Variants in RNGTT observed in about 807,000 individuals in gnomAD.
RNGTT encodes mRNA-capping enzyme.
RNGTT carries 33 observed loss-of-function variants against 79.3 expected under a neutral mutation model. The ratio of observed to expected loss-of-function variants is 0.42; its 90% CI spans 0.32 to 0.56. The LOEUF is 0.56. Ranked by LOEUF, RNGTT falls within the 20% of genes least tolerant of loss-of-function variation. The pLI is 0.17. For synonymous variants in RNGTT, 222 were observed against 235.9 expected (o/e 0.94, Z 0.54); for missense variants, 497 against 739.1 (o/e 0.67, Z 3.80).
chr6:88,818,370 G>A (rs1347951552), intron 11 of RNGTT, among the ~76,000 whole-genome samples: 1 of 151,968 alleles, frequency 6.6e-6, no homozygotes, highest in African/African-American at 2.4e-5. Flanking sequence ...ATCACCCGAG[G>A]TCAGGAGTTC....
At chr6:88,776,961 C>A (rs1250806884) in intron 12 of RNGTT, among the ~76,000 whole-genome samples, 2 of 152,132 alleles carry the variant, frequency 1.3e-5, no homozygotes, top group African/African-American at 4.8e-5. Context: ...ACTATGTTTT[C>A]TTCTAGGAGT....
At chr6:88,707,672 C>T (rs1016181933) in intron 13 of RNGTT, among the ~76,000 whole-genome samples, 6 of 149,960 alleles carry the variant, frequency 4.0e-5, no homozygotes, top group Admixed American at 3.3e-4. Flanking sequence ...ATAAAGTAGC[C>T]TTGAGTAGGT....
At chr6:88,856,511 G>A (rs1230002280) in intron 8 of RNGTT, among the ~76,000 whole-genome samples, 1 of 152,100 alleles carries the variant, frequency 6.6e-6, no homozygotes, top group Non-Finnish European at 1.5e-5. Context: ...ATGCACACAT[G>A]TGTATAAACA....
intron 8 of RNGTT, among the ~76,000 whole-genome samples, chr6:88,862,940 G>A (rs1206726442): frequency 2.6e-5 from 4 of 152,092 alleles, no homozygotes; most frequent in Non-Finnish European, 5.9e-5. Flanking sequence ...TATTGATTCT[G>A]TAAGTACAGC....
chr6:88,962,272 G>A (rs927046720), intron 1 of RNGTT, among the ~76,000 whole-genome samples: 4 of 152,030 alleles, frequency 2.6e-5, no homozygotes, highest in Admixed American at 1.3e-4. Context: ...CAAACTGTAC[G>A]CTTTAAAGCT....
intron 13 of RNGTT, among the ~76,000 whole-genome samples, chr6:88,708,796 G>A (rs1359857486): frequency 6.6e-6 from 1 of 151,956 alleles, no homozygotes; most frequent in African/African-American, 2.4e-5. Flanking sequence ...ACGTTTTCCA[G>A]TAAGAAAAGG....
intron 12 of RNGTT, among the ~76,000 whole-genome samples, chr6:88,775,138 CATT>C (rs976913589): frequency 2.0e-5 from 3 of 151,946 alleles, no homozygotes; most frequent in African/African-American, 7.3e-5. Context: ...AAGTATATAA[CATT>C]ATAACACAAT....
At chr6:88,891,698 T>C (rs954532120) in intron 7 of RNGTT, 108 bp downstream of exon 7, 4 of 603,786 alleles carry the variant, frequency 6.6e-6, no homozygotes, top group Admixed American at 3.7e-5. Context: ...TAAAGTATTC[T>C]ATTGCAAACA....
At chr6:88,927,218 G>T (rs1352105313) in intron 4 of RNGTT, among the ~76,000 whole-genome samples, 1 of 152,128 alleles carries the variant, frequency 6.6e-6, no homozygotes, top group African/African-American at 2.4e-5. Context: ...ACAAATGGTT[G>T]GTTATGTAGA....
At chr6:88,734,985 A>G (rs1208213472) in intron 13 of RNGTT, among the ~76,000 whole-genome samples, 1 of 152,164 alleles carries the variant, frequency 6.6e-6, no homozygotes, top group South Asian at 2.1e-4. Flanking sequence ...TCAACTTACA[A>G]TAAGTATATT....
At position 88,755,356 on chromosome 6, in the gene RNGTT, T is replaced by G. The variant is rs147569839; in HGVS notation, c.1439+14418A>C. Among the ~76,000 whole-genome samples, 16 of 152,172 alleles carry G rather than the reference T, an allele frequency of 1.1e-4. No individual in the cohort carries two copies. In the East Asian group the frequency reaches 1.2e-3, roughly 11 times the overall value. On this transcript the variant is annotated intron_variant, in intron 13 of 15. Transcript: ENST00000369485. ...AATTTAAATTGAACCCAATTTAAATTTAGATCCAAACAATTTAGATCCAAA... is the reference window on the plus strand; with the variant it reads ...AATTTAAATTGAACCCAATTTAAATGTAGATCCAAACAATTTAGATCCAAA...
At chr6:88,942,200 G>T (rs565564984) in intron 1 of RNGTT, among the ~76,000 whole-genome samples, 191 of 152,256 alleles carry the variant, frequency 1.3e-3, no homozygotes, top group Non-Finnish European at 2.2e-3. Flanking sequence ...GACCATGCTA[G>T]AATATGATAT....
chr6:88,646,084 G>T (rs955651694), intron 14 of RNGTT, among the ~76,000 whole-genome samples: 1 of 152,038 alleles, frequency 6.6e-6, no homozygotes, highest in Non-Finnish European at 1.5e-5. Context: ...GAAAATTTTT[G>T]CAATCTACTC....
At chr6:88,955,783 CTG>C (rs1785410354) in intron 1 of RNGTT, among the ~76,000 whole-genome samples, 2 of 152,018 alleles carry the variant, frequency 1.3e-5, no homozygotes, top group African/African-American at 4.8e-5. Context: ...TGGCTCACGT[CTG>C]TAATCCCAGC....
Position 88,669,181 on chromosome 6 carries a change from TC to T in RNGTT, c.1506+9171del, listed in dbSNP as rs1044940600. On this transcript the variant is annotated intron_variant, in intron 14 of 15. Transcript: ENST00000369485. The stretch of plus-strand genomic sequence containing the variant: ...AATCCAAGGGGAGATCCACAAGCGC[TC>T]CCCCAAACCAGTGTTCCAGACCTTT... Among the ~76,000 whole-genome samples the T allele has an allele frequency of 1.7e-3, 256 of 151,830 alleles. 1 individual carries two copies. Among genetic ancestry groups the T allele is most frequent in the African/African-American group, 5.8e-3 (241 of 41,410 alleles).
At chr6:88,920,594 T>C (rs1425666888) in intron 4 of RNGTT, among the ~76,000 whole-genome samples, 1 of 152,188 alleles carries the variant, frequency 6.6e-6, no homozygotes, top group Non-Finnish European at 1.5e-5. Flanking sequence ...CTGAGGCCTT[T>C]ATCTGAATAA....
chr6:88,624,032 A>G (rs1224123159), intron 14 of RNGTT, among the ~76,000 whole-genome samples: 1 of 152,026 alleles, frequency 6.6e-6, no homozygotes, highest in East Asian at 1.9e-4. Flanking sequence ...TAAATCTAAA[A>G]ATAATCTGTG....
At chr6:88,851,716 A>G (rs1176866406) in intron 9 of RNGTT, among the ~76,000 whole-genome samples, 11 of 152,048 alleles carry the variant, frequency 7.2e-5, no homozygotes, top group Non-Finnish European at 1.0e-4. Flanking sequence ...TTATTCTTGG[A>G]TTTGGAATTT....
chr6:88,819,123 T>G (rs1362634536), intron 11 of RNGTT, among the ~76,000 whole-genome samples: 1 of 152,096 alleles, frequency 6.6e-6, no homozygotes, highest in Admixed American at 6.6e-5. Context: ...CTAGAAAAAA[T>G]TATTTAATGT....
Sources: allele counts gnomAD v4.1 joint callset (sites outside exome capture counted in the v4.1 genomes callset), GRCh38; gene constraint gnomAD v4.1.1; transcripts MANE v1.5; gene names NCBI Gene and HGNC (gene_info 2026-07-23, HGNC 2026-07-21).